The following SGK3 variants were observed in gnomAD, a reference collection of about 807,000 sequenced individuals.
The protein encoded by SGK3 is serum/glucocorticoid regulated kinase family member 3.
A neutral mutation model predicts 68.5 loss-of-function variants in SGK3; 47 were observed. That is an observed-to-expected ratio of 0.69 (90% CI 0.54 to 0.87). SGK3 has a LOEUF of 0.87. Ranked by LOEUF, SGK3 falls within the 40% of genes least tolerant of loss-of-function variation. SGK3 has a pLI of 0.00. For missense variants in SGK3, 479 were observed against 575.5 expected (o/e 0.83, Z 1.72); for synonymous variants, 181 against 189.1 (o/e 0.96, Z 0.35).
chr8:66,814,027 TG>T, intron 5 of SGK3, 99 bp downstream of exon 5: 1 of 934,398 alleles, frequency 1.1e-6, no homozygotes, highest in South Asian at 3.1e-5. Context: ...GAAATGTTAC[TG>T]TGCTATATAT....
chr8:66,726,715 C>T (rs1217314924), intron 1 of SGK3, among the ~76,000 whole-genome samples: 1 of 149,172 alleles, frequency 6.7e-6, no homozygotes, highest in Non-Finnish European at 1.5e-5. Flanking sequence ...GCGGGAGGAT[C>T]GCTTGAGCTC....
intron 4 of SGK3, among the ~76,000 whole-genome samples, chr8:66,805,589 G>A (rs779382207): frequency 2.0e-5 from 3 of 152,022 alleles, no homozygotes; most frequent in African/African-American, 7.2e-5. Context: ...GACACAGAGG[G>A]TCTCAGCATC....
chr8:66,740,147 T>G (rs1805438024), intron 1 of SGK3, among the ~76,000 whole-genome samples: 1 of 152,218 alleles, frequency 6.6e-6, no homozygotes, highest in Non-Finnish European at 1.5e-5. Flanking sequence ...GATTTCATTC[T>G]CTGTACTTCT....
chr8:66,802,271 A>G (rs1026396919), intron 3 of SGK3, among the ~76,000 whole-genome samples: 9 of 152,360 alleles, frequency 5.9e-5, no homozygotes, highest in South Asian at 2.1e-4. Context: ...TAAGTTCAAA[A>G]ACACAAATTA....
chr8:66,781,252 C>G lies in SGK3; in HGVS notation c.-121-12364C>G, dbSNP rs144399910. On this transcript the variant is annotated intron_variant, in intron 1 of 16. Coordinates refer to ENST00000521198, the MANE Select transcript of SGK3 (RefSeq NM_001033578.3). ...GAAGGCTAGGACAGCCTTGCTGCCA[C>G]TGCTACCATCTCTACCAGTCGGTTC... 2.9e-3 allele frequency among the ~76,000 whole-genome samples: 438 copies of G among 152,336 alleles called. 2 individuals are homozygous for G. The highest frequency in any genetic ancestry group is 4.6e-3 in the Non-Finnish European group (311 of 68,028).
intron 1 of SGK3, among the ~76,000 whole-genome samples, chr8:66,789,099 C>T (rs750272802): frequency 1.6e-4 from 24 of 151,286 alleles, no homozygotes; most frequent in Admixed American, 1.2e-3. Flanking sequence ...TACCAGATGT[C>T]CGGGATTATG....
rs528365453 is a variant in SGK3 at position 66,767,561 on chromosome 8, G to C, written c.-121-26055G>C. On this transcript the variant is annotated intron_variant, in intron 1 of 16. Transcript: ENST00000521198. ...TTTTCAAGCTCTCTCTCCTCATCAA[G>C]TATCATGAGAGGCACTTCACTCAAG... The C allele has an allele frequency of 4.1e-5, 60 of 1,468,726 alleles. No individual in the cohort carries two copies. In the African/African-American group the frequency reaches 5.1e-4, roughly 13 times the overall value. The allele number at this position is 1,468,726 out of a possible 1,614,324, so 91.0% of individuals were successfully genotyped here. A position where few individuals can be genotyped will look rare whatever the true frequency, so the allele number is the denominator to read the frequency against.
chr8:66,847,428 T>G (rs1184469290), intron 15 of SGK3, 80 bp downstream of exon 15: 1 of 1,560,208 alleles, frequency 6.4e-7, no homozygotes, highest in Non-Finnish European at 8.7e-7. Flanking sequence ...TATATGGTAT[T>G]TAATGGAATG....
intron 1 of SGK3, among the ~76,000 whole-genome samples, chr8:66,758,885 G>A (rs1806066938): frequency 1.3e-5 from 2 of 151,968 alleles, no homozygotes; most frequent in South Asian, 4.1e-4. Flanking sequence ...TCCTAGGACT[G>A]CTGTACAGAC....
intron 1 of SGK3, among the ~76,000 whole-genome samples, chr8:66,755,984 T>C (rs1357779596): frequency 6.6e-6 from 1 of 152,142 alleles, no homozygotes; most frequent in Non-Finnish European, 1.5e-5. Flanking sequence ...CAAATTCATA[T>C]GTTGATGTTC....
chr8:66,749,957 GTGTGTGTGTA>G (rs924042411), intron 1 of SGK3, among the ~76,000 whole-genome samples: 63 of 151,356 alleles, frequency 4.2e-4, no homozygotes, highest in African/African-American at 1.4e-3. Flanking sequence ...GTGTGTGTGT[GTGTGTGTGTA>G]TGTGTGTAAA....
rs925056556 is a variant in SGK3, at chr8:66,847,464, A to G, written c.1230+116A>G. 4.2e-6 allele frequency: 6 copies of G among 1,437,782 alleles called. No homozygotes were observed. In the African/African-American group the frequency reaches 4.4e-5, roughly 10 times the overall value. 89.1% of individuals were successfully genotyped at this position (1,437,782 alleles called of 1,614,324 possible). On this transcript the variant is annotated intron_variant, in intron 15 of 16. Coordinates refer to ENST00000521198, the MANE Select transcript of SGK3 (RefSeq NM_001033578.3). ...AATACAATATGCGGAGAATAGCAAC[A>G]TGGAAAAAAAGCATACTTGTCTCCA...
intron 1 of SGK3, among the ~76,000 whole-genome samples, chr8:66,739,813 A>G (rs1805428566): frequency 6.6e-6 from 1 of 152,228 alleles, no homozygotes; most frequent in Admixed American, 6.5e-5. Context: ...CCTTCTTCAC[A>G]TGGCATCAGG....
chr8:66,740,769 T>C (rs1805454451), intron 1 of SGK3, among the ~76,000 whole-genome samples: 2 of 151,368 alleles, frequency 1.3e-5, no homozygotes, highest in African/African-American at 4.9e-5. Flanking sequence ...TAGCCAGGTG[T>C]GGTGGTGCAC....
At chr8:66,769,392 T>A (rs925778109) in intron 1 of SGK3, among the ~76,000 whole-genome samples, 1 of 152,180 alleles carries the variant, frequency 6.6e-6, no homozygotes, top group Non-Finnish European at 1.5e-5. Context: ...CCCAGCTAAT[T>A]TTTGTATTTT....
chr8:66,787,293 C>G (rs920996691), intron 1 of SGK3, among the ~76,000 whole-genome samples: 1 of 152,040 alleles, frequency 6.6e-6, no homozygotes, highest in Non-Finnish European at 1.5e-5. Flanking sequence ...AATAAGTGTT[C>G]ATTGAATTAA....
intron 1 of SGK3, among the ~76,000 whole-genome samples, chr8:66,742,426 G>T (rs1805509456): frequency 6.6e-6 from 1 of 152,080 alleles, no homozygotes; most frequent in Admixed American, 6.6e-5. Flanking sequence ...GGAGTGCAGT[G>T]GCATGGTCAT....
chr8:66,721,134 A>G (rs1804783295), intron 1 of SGK3, among the ~76,000 whole-genome samples: 1 of 152,136 alleles, frequency 6.6e-6, no homozygotes, highest in Admixed American at 6.5e-5. Flanking sequence ...GTAACACTTG[A>G]CTTAGTATAA....
At chr8:66,751,274 G>A (rs1011602187) in intron 1 of SGK3, among the ~76,000 whole-genome samples, 1 of 152,152 alleles carries the variant, frequency 6.6e-6, no homozygotes, top group Non-Finnish European at 1.5e-5. Flanking sequence ...CGGATATTAA[G>A]AAAATCTGTT....
Sources: gnomAD v4.1 joint callset for allele counts (sites outside exome capture counted in the v4.1 genomes callset) on GRCh38, gnomAD v4.1.1 for gene constraint, MANE v1.5 for transcripts, NCBI Gene and HGNC (gene_info 2026-07-23, HGNC 2026-07-21) for gene names.